The following SLC25A30 variants were observed in gnomAD, a reference collection of about 807,000 sequenced individuals.
SLC25A30 encodes solute carrier family 25 member 30.
A neutral mutation model predicts 42.7 loss-of-function variants in SLC25A30; 29 were observed. The observed-to-expected ratio is 0.68, with a 90% CI of 0.51 to 0.93. The LOEUF is 0.93. SLC25A30 is among the 40% of genes least tolerant of loss of function. SLC25A30 has a pLI of 0.00. For missense variants in SLC25A30, 300 were observed against 359.7 expected, an observed-to-expected ratio of 0.83 and a Z score of 1.34; for synonymous variants, 124 against 131.0, an observed-to-expected ratio of 0.95 and a Z score of 0.37.
chr13:45,423,869 T>C, the SLC25A30 span, among the ~76,000 whole-genome samples: 1 of 60,374 alleles, frequency 1.7e-5, no homozygotes, highest in Non-Finnish European at 3.1e-5. Context: ...TAAATATATA[T>C]AAAATATATA....
the SLC25A30 span, among the ~76,000 whole-genome samples, chr13:45,432,125 C>G: frequency 6.6e-6 from 1 of 151,802 alleles, no homozygotes; most frequent in African/African-American, 2.4e-5. Flanking sequence ...CAAAAACAAA[C>G]CGGGCATGGT....
At chr13:45,397,189 T>G in intron 9 of SLC25A30, 69 bp downstream of exon 9, 9 of 1,034,462 alleles carry the variant, frequency 8.7e-6, no homozygotes, top group Non-Finnish European at 1.2e-5. Flanking sequence ...ATTAATAACA[T>G]GAGAGTTTAT....
Position 45,394,290 on chromosome 13 carries a change from T to C in SLC25A30, c.*1684A>G. 2.1e-6 allele frequency: 2 copies of C among 955,818 alleles called. No individual in the cohort carries two copies. Among genetic ancestry groups the C allele is most frequent in the Non-Finnish European group, 2.5e-6 (2 of 805,662 alleles). The allele number at this position is 955,818 out of a possible 1,614,324, so 59.2% of individuals were successfully genotyped here. A position where few individuals can be genotyped will look rare whatever the true frequency, so the allele number is the denominator to read the frequency against. ...CTGTTATCCTCTCTTTTTGATGACT[T>C]TGTCTTAGCTCTCACTTTTGGAAAT... On this transcript the variant is annotated 3_prime_UTR_variant, in exon 10 of 10. Coordinates refer to ENST00000519676, the MANE Select transcript of SLC25A30 (RefSeq NM_001010875.4).
chr13:45,416,903 A>G (rs1160709739), intron 1 of SLC25A30, among the ~76,000 whole-genome samples: 1 of 152,150 alleles, frequency 6.6e-6, no homozygotes, highest in Non-Finnish European at 1.5e-5. Context: ...TTTCTCTTAC[A>G]TGGTTGCTTA....
chr13:45,404,373 G>C lies in SLC25A30; in HGVS notation c.347C>G (p.Ser116Cys). 1 of 1,613,504 alleles carries C rather than the reference G, an allele frequency of 6.2e-7. No individual in the cohort carries two copies. Among genetic ancestry groups the C allele is most frequent in the Non-Finnish European group, 8.5e-7 (1 of 1,179,552 alleles). ...LPINVICGILSGVISSTIANP... is the reference protein window; with the variant it reads ...LPINVICGILCGVISSTIANP... ...AGCAATGGTTGAAGATATGACTCCA[G>C]ACAGAATTCCACATATCACATTTAT... The change falls in exon 5 of 10, where the codon TCT becomes TGT. Residue 116 changes from serine to cysteine, a missense_variant. Ser to Cys is a moderately radical substitution (Grantham distance 112). Transcript: ENST00000519676.
rs1267797648 is a variant in SLC25A30 at position 45,395,098 on chromosome 13, AC to A, written c.*875del. ...TCCACAGCATGATGTAAACACATTT[AC>A]CTTTCCAGTCAAGTAGCAGCAGCTA... On this transcript the variant is annotated 3_prime_UTR_variant, in exon 10 of 10. Transcript: ENST00000519676. 13 of 985,426 alleles carry A rather than the reference AC, an allele frequency of 1.3e-5. No individual in the cohort carries two copies. Among genetic ancestry groups the A allele is most frequent in the Non-Finnish European group, 1.6e-5 (13 of 829,946 alleles). The allele number at this position is 985,426 out of a possible 1,614,324, so 61.0% of individuals were successfully genotyped here. A position where few individuals can be genotyped will look rare whatever the true frequency, so the allele number is the denominator to read the frequency against.
intron 1 of SLC25A30, 146 bp downstream of exon 1, chr13:45,418,154 C>A (rs41300578): frequency 0.01 from 1,539 of 153,368 alleles, 18 homozygotes; most frequent in Non-Finnish European, 0.014. Context: ...GCCCGGCCTG[C>A]GAAGTGGAGA....
At chr13:45,425,573 A>C in the SLC25A30 span, among the ~76,000 whole-genome samples, 14 of 74,266 alleles carry the variant, frequency 1.9e-4, 1 homozygote, top group African/African-American at 7.1e-4. Context: ...AATATATATA[A>C]GTATATATAT....
At chr13:45,425,577 T>TATATATACATATATATATAC in the SLC25A30 span, among the ~76,000 whole-genome samples, 1 of 83,842 alleles carries the variant, frequency 1.2e-5, no homozygotes, top group Non-Finnish European at 2.2e-5. Flanking sequence ...TATATAAGTA[T>TATATATACATATATATATAC]ATATATAAAT....
intron 1 of SLC25A30, among the ~76,000 whole-genome samples, chr13:45,417,321 T>C (rs1883621023): frequency 6.6e-6 from 1 of 152,212 alleles, no homozygotes; most frequent in Admixed American, 6.5e-5. Flanking sequence ...GTTTCTCTTA[T>C]TTAATTCTTG....
the SLC25A30 span, among the ~76,000 whole-genome samples, chr13:45,425,173 T>TATTC: frequency 6.2e-5 from 6 of 97,554 alleles, no homozygotes; most frequent in African/African-American, 2.7e-4. Flanking sequence ...TATATAAGTA[T>TATTC]ATAAATATAT....
At chr13:45,424,626 T>A in the SLC25A30 span, among the ~76,000 whole-genome samples, 2 of 58,462 alleles carry the variant, frequency 3.4e-5, no homozygotes, top group South Asian at 1.1e-3. Flanking sequence ...TAAATATATA[T>A]AAATATGTAT....
chr13:45,417,737 T>C (rs1406188647), intron 1 of SLC25A30, among the ~76,000 whole-genome samples: 2 of 152,162 alleles, frequency 1.3e-5, no homozygotes, highest in African/African-American at 2.4e-5. Context: ...AGAACAAAAA[T>C]GCTAATCACT....
At chr13:45,418,442 C>T (rs1165931703), upstream of SLC25A30, 1 of 152,570 alleles carries the variant, frequency 6.6e-6, no homozygotes, top group Non-Finnish European at 1.5e-5. Flanking sequence ...CCCGCCCCGT[C>T]CGCGCAAACA....
chr13:45,423,672 A>ATATATAAAATATATATAAAAATAT, the SLC25A30 span, among the ~76,000 whole-genome samples: 1 of 31,634 alleles, frequency 3.2e-5, no homozygotes, highest in Admixed American at 4.8e-4. Flanking sequence ...TATATAAAAT[A>ATATATAAAATATATATAAAAATAT]CATATTTATA....
rs1881143232 is a variant in SLC25A30, at chr13:45,394,115, G to A, written c.*1859C>T. 1 of 985,152 alleles carries A rather than the reference G, an allele frequency of 1.0e-6. No individual in the cohort carries two copies. The highest frequency in any genetic ancestry group is 1.2e-6 in the Non-Finnish European group (1 of 829,914). The allele number at this position is 985,152 out of a possible 1,614,324, so 61.0% of individuals were successfully genotyped here. Reference sequence around the variant, plus strand: ...TTTGGAAAGAAGAAAAAATCCTAAGGTGTAGTTTAGAACAAGCAGCAAGGC... The same window carrying A: ...TTTGGAAAGAAGAAAAAATCCTAAGATGTAGTTTAGAACAAGCAGCAAGGC... On this transcript the variant is annotated 3_prime_UTR_variant, in exon 10 of 10. Transcript: ENST00000519676.
At chr13:45,424,853 T>C in the SLC25A30 span, among the ~76,000 whole-genome samples, 2 of 42,884 alleles carry the variant, frequency 4.7e-5, 1 homozygote. Context: ...TATATATAAA[T>C]ATATATATAA....
At position 45,394,187 on chromosome 13, in the gene SLC25A30, G is replaced by A; in HGVS notation, c.*1787C>T. 2.0e-6 allele frequency: 2 copies of A among 985,292 alleles called. No individual in the cohort carries two copies. The highest frequency in any genetic ancestry group is 2.4e-6 in the Non-Finnish European group (2 of 829,910). The allele number at this position is 985,292 out of a possible 1,614,324, so 61.0% of individuals were successfully genotyped here. A position where few individuals can be genotyped will look rare whatever the true frequency, so the allele number is the denominator to read the frequency against. ...CTGCTGCCCTCTAGGGTTGCCCAGG[G>A]AGAGCTGGACTTTCATCTGAGTCTC... On this transcript the variant is annotated 3_prime_UTR_variant, in exon 10 of 10. Coordinates refer to ENST00000519676, the MANE Select transcript of SLC25A30 (RefSeq NM_001010875.4).
At chr13:45,433,815 TACACACAAAC>T in the SLC25A30 span, among the ~76,000 whole-genome samples, 1 of 152,194 alleles carries the variant, frequency 6.6e-6, no homozygotes, top group Admixed American at 6.5e-5. Context: ...TACACACATA[TACACACAAAC>T]ACACTACTGA....
Sources: gnomAD v4.1 joint callset for allele counts (sites outside exome capture counted in the v4.1 genomes callset) on GRCh38, gnomAD v4.1.1 for gene constraint, MANE v1.5 for transcripts, NCBI Gene and HGNC (gene_info 2026-07-23, HGNC 2026-07-21) for gene names.